The following NSMCE2 variants were observed in gnomAD, a reference collection of about 807,000 sequenced individuals.
NSMCE2 encodes the protein E3 SUMO-protein ligase NSE2.
NSMCE2 carries 24 observed loss-of-function variants against 23.8 expected under a neutral mutation model. That is an observed-to-expected ratio of 1.01 (90% CI 0.73 to 1.42). NSMCE2 has a LOEUF of 1.42. Ranked by LOEUF, NSMCE2 falls within the 40% of genes most tolerant of loss-of-function variation. The pLI, the probability that NSMCE2 is intolerant of heterozygous loss-of-function variation, is 0.00. For synonymous variants in NSMCE2, 92 were observed against 94.1 expected (o/e 0.98, Z 0.13); for missense variants, 284 against 296.5 (o/e 0.96, Z 0.31).
At chr8:125,277,855 G>A in intron 5 of NSMCE2, among the ~76,000 whole-genome samples, 1 of 152,282 alleles carries the variant, frequency 6.6e-6, no homozygotes, top group South Asian at 2.1e-4. Flanking sequence ...TCATTACTGA[G>A]AAATCATAGA....
At chr8:125,151,767 T>C (rs996672343) in intron 4 of NSMCE2, among the ~76,000 whole-genome samples, 4 of 152,232 alleles carry the variant, frequency 2.6e-5, no homozygotes, top group African/African-American at 7.2e-5. Context: ...AAACTTATCT[T>C]TGTTGACTCC....
chr8:125,174,640 A>G lies in NSMCE2; in HGVS notation c.265-7463A>G, dbSNP rs542958558. On this transcript the variant is annotated intron_variant, in intron 4 of 7. Coordinates refer to ENST00000287437, the MANE Select transcript of NSMCE2 (RefSeq NM_173685.4). Reference sequence around the variant, plus strand: ...AGACTGGTCTATTCAAACTAGACAAATAACATTCTTACCCATGTTTAAGCT... The same window carrying G: ...AGACTGGTCTATTCAAACTAGACAAGTAACATTCTTACCCATGTTTAAGCT... Among the ~76,000 whole-genome samples the G allele has an allele frequency of 5.9e-5, 9 of 152,348 alleles. No individual in the cohort carries two copies. The South Asian group carries it at 1.4e-3, about 25-fold the overall frequency.
At chr8:125,363,971 T>C (rs1586824731) in intron 7 of NSMCE2, among the ~76,000 whole-genome samples, 1 of 151,962 alleles carries the variant, frequency 6.6e-6, no homozygotes, top group East Asian at 1.9e-4. Context: ...TGAGACAGAG[T>C]CTTGCTCTGT....
chr8:125,312,598 C>T (rs1024485414), intron 5 of NSMCE2, among the ~76,000 whole-genome samples: 1 of 152,286 alleles, frequency 6.6e-6, no homozygotes, highest in African/African-American at 2.4e-5. Flanking sequence ...GCATTCCAGC[C>T]GAGGCTACAG....
chr8:125,246,342 C>T (rs1173035800), intron 5 of NSMCE2, among the ~76,000 whole-genome samples: 2 of 151,774 alleles, frequency 1.3e-5, no homozygotes, highest in Non-Finnish European at 2.9e-5. Context: ...CGTCACCATG[C>T]CCGACTAATT....
Position 125,268,442 on chromosome 8 carries a change from T to TAAC in NSMCE2, c.418+86201_418+86203dup, listed in dbSNP as rs956074202. 5.3e-5 allele frequency among the ~76,000 whole-genome samples: 8 copies of TAAC among 151,826 alleles called. No homozygotes were observed. The South Asian group carries it at 8.3e-4, about 16-fold the overall frequency. On this transcript the variant is annotated intron_variant, in intron 5 of 7. Transcript: ENST00000287437. ...GCTGCCTAGAGAATGATCACTCCAT[T>TAAC]AACAACAACAACAACAAGCAAAAAG...
At chr8:125,344,198 T>G (rs1382902250) in intron 5 of NSMCE2, among the ~76,000 whole-genome samples, 2 of 152,234 alleles carry the variant, frequency 1.3e-5, no homozygotes, top group East Asian at 1.9e-4. Context: ...TTTGTTTCAA[T>G]TTGACTAATT....
chr8:125,337,997 T>C (rs1458941817), intron 5 of NSMCE2, among the ~76,000 whole-genome samples: 2 of 152,020 alleles, frequency 1.3e-5, no homozygotes, highest in Non-Finnish European at 2.9e-5. Flanking sequence ...CCTCTCAGGA[T>C]AAAATGTTGA....
chr8:125,298,687 G>GTTTTTTGTT (rs1828425895), intron 5 of NSMCE2, among the ~76,000 whole-genome samples: 1 of 85,954 alleles, frequency 1.2e-5, no homozygotes, highest in African/African-American at 5.2e-5. Context: ...TCATCTGTGG[G>GTTTTTTGTT]TTTTTTTTTG....
intron 5 of NSMCE2, 112 bp from the exon 6 acceptor site, chr8:125,357,106 TG>T: frequency 1.5e-6 from 1 of 677,034 alleles, no homozygotes; most frequent in South Asian, 1.8e-5. Context: ...AGTCCTTACA[TG>T]GGGGCCAACA....
At chr8:125,189,679 A>G (rs552930995) in intron 5 of NSMCE2, among the ~76,000 whole-genome samples, 178 of 152,360 alleles carry the variant, frequency 1.2e-3, no homozygotes, top group Middle Eastern at 3.4e-3. Context: ...AGAGAAAAAT[A>G]GAGGACAAAA....
intron 5 of NSMCE2, among the ~76,000 whole-genome samples, chr8:125,192,887 T>A (rs1021319998): frequency 4.6e-5 from 7 of 152,238 alleles, no homozygotes; most frequent in African/African-American, 1.7e-4. Context: ...TAACATGTGC[T>A]GTCTTTTCAG....
intron 4 of NSMCE2, among the ~76,000 whole-genome samples, chr8:125,163,884 A>T (rs1412488618): frequency 6.6e-6 from 1 of 152,258 alleles, no homozygotes; most frequent in East Asian, 1.9e-4. Context: ...AGGAAAAAAG[A>T]GGTTTAACCA....
intron 3 of NSMCE2, among the ~76,000 whole-genome samples, chr8:125,118,386 A>G (rs1203663285): frequency 6.7e-6 from 1 of 150,288 alleles, no homozygotes; most frequent in Admixed American, 6.6e-5. Context: ...CTTAAAAACA[A>G]ACAAACAAAC....
chr8:125,346,072 G>T (rs775136788), intron 5 of NSMCE2, among the ~76,000 whole-genome samples: 1 of 152,042 alleles, frequency 6.6e-6, no homozygotes, highest in African/African-American at 2.4e-5. Flanking sequence ...CAGGAGAATC[G>T]CTTGAAGCCA....
At chr8:125,228,600 G>T (rs1736936108) in intron 5 of NSMCE2, among the ~76,000 whole-genome samples, 2 of 152,152 alleles carry the variant, frequency 1.3e-5, no homozygotes, top group Admixed American at 1.3e-4. Flanking sequence ...GGCATTTGAG[G>T]CTGAGAGTAT....
chr8:125,171,942 C>T (rs1183328045), intron 4 of NSMCE2, among the ~76,000 whole-genome samples: 1 of 152,176 alleles, frequency 6.6e-6, no homozygotes, highest in African/African-American at 2.4e-5. Context: ...GACCGAGGAA[C>T]TCAGTGTTTA....
intron 5 of NSMCE2, among the ~76,000 whole-genome samples, chr8:125,344,809 C>T (rs1371636447): frequency 6.6e-6 from 1 of 151,556 alleles, no homozygotes; most frequent in Admixed American, 6.6e-5. Context: ...TTTTTCACCT[C>T]ATGTAATGTA....
chr8:125,214,250 G>T (rs973378054), intron 5 of NSMCE2, among the ~76,000 whole-genome samples: 1 of 152,164 alleles, frequency 6.6e-6, no homozygotes, highest in Non-Finnish European at 1.5e-5. Flanking sequence ...CAGGCCAGTC[G>T]TTGGAAGGCA....
Sources: gnomAD v4.1 joint callset for allele counts (sites outside exome capture counted in the v4.1 genomes callset) on GRCh38, gnomAD v4.1.1 for gene constraint, MANE v1.5 for transcripts, NCBI Gene and HGNC (gene_info 2026-07-23, HGNC 2026-07-21) for gene names.